Variants in NRCAM observed in about 807,000 individuals in gnomAD.
NRCAM encodes the protein neuronal cell adhesion molecule.
A neutral mutation model predicts 156.5 loss-of-function variants in NRCAM; 83 were observed. The observed-to-expected ratio is 0.53, with a 90% CI of 0.44 to 0.64. The LOEUF (loss-of-function observed/expected upper bound fraction) is 0.64, where lower values mean the gene tolerates loss of function less well. NRCAM is among the 30% of genes least tolerant of loss of function. The pLI is 0.00. For synonymous variants in NRCAM, 538 were observed against 563.9 expected (o/e 0.95, Z 0.65); for missense variants, 1,417 against 1,597.3 (o/e 0.89, Z 1.92).
chr7:108,278,696 T>C (rs2097742885), intron 3 of NRCAM, among the ~76,000 whole-genome samples: 1 of 152,230 alleles, frequency 6.6e-6, no homozygotes, highest in East Asian at 1.9e-4. Flanking sequence ...GAAATCCCCC[T>C]GACCCCTTGC....
chr7:108,357,486 A>G (rs6944131), intron 2 of NRCAM, among the ~76,000 whole-genome samples: 11,459 of 152,072 alleles, frequency 0.075, 451 homozygotes, highest in East Asian at 0.12. Flanking sequence ...GCCTGCCACC[A>G]CGACTGGCTC....
chr7:108,410,149 G>A (rs773768215), intron 1 of NRCAM, among the ~76,000 whole-genome samples: 23 of 152,174 alleles, frequency 1.5e-4, no homozygotes, highest in South Asian at 2.1e-4. Context: ...GCAACTGTGC[G>A]GACCTCGAAT....
intron 1 of NRCAM, among the ~76,000 whole-genome samples, chr7:108,420,118 C>T (rs1316323754): frequency 6.6e-6 from 1 of 151,458 alleles, no homozygotes; most frequent in African/African-American, 2.4e-5. Context: ...AATATCCTTT[C>T]AGAACATCTG....
chr7:108,357,414 A>G (rs1472584909), intron 2 of NRCAM, among the ~76,000 whole-genome samples: 2 of 150,878 alleles, frequency 1.3e-5, no homozygotes, highest in Non-Finnish European at 2.9e-5. Flanking sequence ...TCTCACTGGA[A>G]CCTCCACCTC....
chr7:108,152,698 A>G (rs390161), intron 32 of NRCAM, among the ~76,000 whole-genome samples: 115,937 of 152,062 alleles, frequency 0.76, 45,397 homozygotes, highest in Non-Finnish European at 0.86. Context: ...CTGCTTTAGC[A>G]CTACAATAGC....
chr7:108,299,104 T>G lies in NRCAM; in HGVS notation c.-107+13561A>C, dbSNP rs200460106. Among the ~76,000 whole-genome samples, 5 of 4,842 alleles carry G rather than the reference T, an allele frequency of 1.0e-3. No homozygotes were observed. In the East Asian group the frequency reaches 0.048, roughly 46 times the overall value. The allele number at this position is 4,842 out of a possible 152,430, so 3.2% of individuals were successfully genotyped here. The stretch of plus-strand genomic sequence containing the variant: ...CTGGGCCACAGAGCAAGACTCCATC[T>G]CAAAAAAAAAAAAGAAAGAAAGAAA... On this transcript the variant is annotated intron_variant, in intron 3 of 32. Transcript: ENST00000379028.
intron 3 of NRCAM, among the ~76,000 whole-genome samples, chr7:108,251,092 CTG>C (rs1411741010): frequency 6.6e-6 from 1 of 152,108 alleles, no homozygotes; most frequent in African/African-American, 2.4e-5. Flanking sequence ...GACTGCCTCT[CTG>C]TGTCTTTTCA....
At chr7:108,260,127 T>C (rs553743315) in intron 3 of NRCAM, among the ~76,000 whole-genome samples, 128 of 152,322 alleles carry the variant, frequency 8.4e-4, no homozygotes, top group Non-Finnish European at 1.5e-3. Flanking sequence ...AGATTTTGTC[T>C]AGTTTTGCTT....
At chr7:108,211,734 C>T (rs998817597) in intron 11 of NRCAM, among the ~76,000 whole-genome samples, 5 of 152,190 alleles carry the variant, frequency 3.3e-5, no homozygotes, top group African/African-American at 1.2e-4. Context: ...ACCCCCTCCC[C>T]CACAGCAGCC....
chr7:108,258,205 A>G (rs1020042511), intron 3 of NRCAM, among the ~76,000 whole-genome samples: 2 of 152,174 alleles, frequency 1.3e-5, no homozygotes, highest in Non-Finnish European at 2.9e-5. Context: ...AACATGCTCC[A>G]GGTTGTCCTT....
chr7:108,165,533 TAACA>T (rs1207473007), intron 30 of NRCAM, among the ~76,000 whole-genome samples: 1 of 152,178 alleles, frequency 6.6e-6, no homozygotes, highest in Non-Finnish European at 1.5e-5. Flanking sequence ...AAGTTATCAA[TAACA>T]AACAAAAACC....
intron 13 of NRCAM, among the ~76,000 whole-genome samples, chr7:108,202,493 G>A (rs879311734): frequency 6.6e-6 from 1 of 152,114 alleles, no homozygotes; most frequent in African/African-American, 2.4e-5. Flanking sequence ...TTACTGCTCA[G>A]GTTTTCTCAG....
chr7:108,366,444 ATG>A lies in NRCAM; in HGVS notation c.-174+32990_-174+32991del, dbSNP rs560822399. Among the ~76,000 whole-genome samples the A allele has an allele frequency of 1.9e-3, 293 of 152,342 alleles. 1 individual carries two copies. The highest frequency in any genetic ancestry group is 6.8e-3 in the African/African-American group (281 of 41,572). ...TTTTAAAAAGGTTAGATATGAAGAT[ATG>A]TGTTTCATAAACAGAGGTCTGCCAG... On this transcript the variant is annotated intron_variant, in intron 2 of 32. Transcript: ENST00000379028.
intron 13 of NRCAM, among the ~76,000 whole-genome samples, chr7:108,201,054 C>T (rs1229236912): frequency 1.3e-5 from 2 of 151,660 alleles, no homozygotes; most frequent in Admixed American, 1.3e-4. Context: ...CTCGGGTGGC[C>T]GGTGCACCAA....
Position 108,150,105 on chromosome 7 carries a change from A to C in NRCAM, c.3720T>G (p.Thr1240=). The change falls in exon 33 of 33, where the codon ACT becomes ACG. Residue 1240 remains threonine (T), a synonymous_variant. Transcript: ENST00000379028. ...DHKPLKKGSR[T]PSDRTVKKED... is the part of the protein sequence containing the mutation. ...CTTTTTTCACAGTCCTGTCTGAAGGAGTTCGACTTCCTTTTTTCAAAGGCT... is the reference window on the plus strand; with the variant it reads ...CTTTTTTCACAGTCCTGTCTGAAGGCGTTCGACTTCCTTTTTTCAAAGGCT... The C allele has an allele frequency of 6.2e-7, 1 of 1,612,288 alleles. No individual in the cohort carries two copies. Among genetic ancestry groups the C allele is most frequent in the South Asian group, 1.1e-5 (1 of 90,468 alleles).
intron 2 of NRCAM, among the ~76,000 whole-genome samples, chr7:108,313,759 T>C (rs2098838199): frequency 6.6e-6 from 1 of 152,152 alleles, no homozygotes; most frequent in Non-Finnish European, 1.5e-5. Context: ...GATTTTTCCT[T>C]AGAATTGGAA....
intron 17 of NRCAM, among the ~76,000 whole-genome samples, chr7:108,192,707 T>C (rs959185695): frequency 1.6e-4 from 25 of 152,320 alleles, no homozygotes; most frequent in African/African-American, 5.1e-4. Flanking sequence ...TATCAAAGTA[T>C]ATATTTTAAA....
rs2071280310 is a variant in NRCAM, at chr7:108,191,242, A to G, written c.1933+12T>C. 6.2e-7 allele frequency: 1 copy of G among 1,600,426 alleles called. No homozygotes were observed. ...GACAGAAAACAGAGAAAGAAGACTC[A>G]TATTAGTTTACCGTAAACGGGAGCT... On this transcript the variant is annotated intron_variant, in intron 19 of 32. Transcript: ENST00000379028.
chr7:108,179,687 CTT>C (rs1379039946), intron 25 of NRCAM, among the ~76,000 whole-genome samples: 1 of 152,178 alleles, frequency 6.6e-6, no homozygotes, highest in South Asian at 2.1e-4. Context: ...TCTGCAATGA[CTT>C]TTCCCTCCTC....
Sources: allele counts gnomAD v4.1 joint callset (sites outside exome capture counted in the v4.1 genomes callset), GRCh38; gene constraint gnomAD v4.1.1; transcripts MANE v1.5; gene names NCBI Gene and HGNC (gene_info 2026-07-23, HGNC 2026-07-21).